The following SEMA6A variants were observed in gnomAD, a reference collection of about 807,000 sequenced individuals.
The protein encoded by SEMA6A is semaphorin-6A.
A neutral mutation model predicts 96.8 loss-of-function variants in SEMA6A; 25 were observed. That is an observed-to-expected ratio of 0.26 (90% CI 0.19 to 0.36). The LOEUF (loss-of-function observed/expected upper bound fraction) is 0.36. Ranked by LOEUF, SEMA6A falls within the 10% of genes least tolerant of loss-of-function variation. SEMA6A has a pLI of 1.00. For missense variants in SEMA6A, 1,363 were observed against 1,323.1 expected, an observed-to-expected ratio of 1.03 and a Z score of -0.47; for synonymous variants, 612 against 518.0, an observed-to-expected ratio of 1.18 and a Z score of -2.46.
chr5:116,518,814 T>G (rs1253668511), intron 1 of SEMA6A, among the ~76,000 whole-genome samples: 2 of 152,170 alleles, frequency 1.3e-5, no homozygotes, highest in Non-Finnish European at 2.9e-5. Flanking sequence ...GATTTCAAGT[T>G]CTGAGCAATG....
intron 6 of SEMA6A, 56 bp from the exon 7 acceptor site, chr5:116,491,886 C>A: frequency 7.2e-7 from 1 of 1,393,440 alleles, no homozygotes; most frequent in Non-Finnish European, 1.0e-6. Flanking sequence ...TTGCCCTAAA[C>A]CCTCAGAAAT....
chr5:116,521,120 T>C lies in SEMA6A; in HGVS notation c.-38-16138A>G, dbSNP rs535732171. 2.0e-5 allele frequency among the ~76,000 whole-genome samples: 3 copies of C among 152,314 alleles called. No individual in the cohort carries two copies. The East Asian group carries it at 5.8e-4, about 29-fold the overall frequency. ...GATGGCAAGAACCTAATGAACATCATGGCCAATGACAGAAAGTCTCTAGGG... is the reference window on the plus strand; with the variant it reads ...GATGGCAAGAACCTAATGAACATCACGGCCAATGACAGAAAGTCTCTAGGG... On this transcript the variant is annotated intron_variant, in intron 1 of 18. Transcript: ENST00000343348.
chr5:116,452,421 GTTT>G (rs59419584), intron 18 of SEMA6A, among the ~76,000 whole-genome samples: 3 of 140,976 alleles, frequency 2.1e-5, no homozygotes, highest in Non-Finnish European at 3.1e-5. Context: ...AATCTCCACT[GTTT>G]TTTTTTTTTT....
At chr5:116,527,768 A>G (rs1216915890) in intron 1 of SEMA6A, among the ~76,000 whole-genome samples, 1 of 152,218 alleles carries the variant, frequency 6.6e-6, no homozygotes, top group African/African-American at 2.4e-5. Context: ...GACAGTTAGT[A>G]ACGACTTTCA....
chr5:116,474,995 G>T (rs1343697111), intron 16 of SEMA6A, among the ~76,000 whole-genome samples: 5 of 152,016 alleles, frequency 3.3e-5, no homozygotes, highest in Non-Finnish European at 5.9e-5. Flanking sequence ...TACATAGTAG[G>T]CCAATTCCTA....
intron 1 of SEMA6A, among the ~76,000 whole-genome samples, chr5:116,528,913 T>G (rs1037300570): frequency 2.0e-5 from 3 of 152,214 alleles, no homozygotes; most frequent in African/African-American, 7.2e-5. Flanking sequence ...CCTGACCCTG[T>G]GTCACTTTGA....
intron 17 of SEMA6A, chr5:116,471,473 T>C (rs964397505): frequency 6.6e-6 from 1 of 152,196 alleles, no homozygotes; most frequent in Non-Finnish European, 1.5e-5. Context: ...GACTATTCAA[T>C]TATAGGAAAT....
intron 11 of SEMA6A, among the ~76,000 whole-genome samples, chr5:116,481,546 G>GT (rs1405898246): frequency 6.6e-6 from 1 of 152,206 alleles, no homozygotes; most frequent in Non-Finnish European, 1.5e-5. Flanking sequence ...TAGGTATGTT[G>GT]TGGGGAGGAC....
rs1486548428 is a variant in SEMA6A at position 116,444,557 on chromosome 5, G to C, written c.*2056C>G. The C allele has an allele frequency of 2.0e-5, 3 of 152,708 alleles. 1 individual carries two copies. The East Asian group carries it at 5.8e-4, about 29-fold the overall frequency. 9.5% of individuals were successfully genotyped at this position (152,708 alleles called of 1,614,324 possible). A position where few individuals can be genotyped will look rare whatever the true frequency, so the allele number is the denominator to read the frequency against. On this transcript the variant is annotated 3_prime_UTR_variant, in exon 19 of 19. Transcript: ENST00000343348. ...TTTACAGTATGTGGACAGTTCCTTT[G>C]TTCATGATAGAGTAAACAAAAGTCC...
chr5:116,481,825 G>T (rs982495140), intron 11 of SEMA6A, among the ~76,000 whole-genome samples: 1 of 152,086 alleles, frequency 6.6e-6, no homozygotes, highest in Non-Finnish European at 1.5e-5. Context: ...GGTTGCCTCT[G>T]GACCATAGTA....
chr5:116,501,851 C>T (rs548901984), intron 3 of SEMA6A, among the ~76,000 whole-genome samples: 1 of 152,288 alleles, frequency 6.6e-6, no homozygotes, highest in South Asian at 2.1e-4. Context: ...TGCACCACTG[C>T]ACTCCAGCCT....
intron 10 of SEMA6A, among the ~76,000 whole-genome samples, chr5:116,483,802 G>T (rs956483682): frequency 2.6e-5 from 4 of 152,048 alleles, no homozygotes; most frequent in Non-Finnish European, 5.9e-5. Flanking sequence ...AGTGGCTCAC[G>T]CCTATAATCC....
In SEMA6A at chr5:116,447,800, C is replaced by T. The variant is rs1356669690; in HGVS notation, c.1906G>A (p.Glu636Lys). 2 of 1,596,636 alleles carry T rather than the reference C, an allele frequency of 1.3e-6. No homozygotes were observed. The highest frequency in any genetic ancestry group is 4.5e-5 in the East Asian group (2 of 44,462). ...NHQDKKGVIRESYLKGHDQLV... is the reference protein window; with the variant it reads ...NHQDKKGVIRKSYLKGHDQLV... ...TGGTCGTGGCCTTTGAGGTAACTTTCCCGAATCACTCCTGCAATAGACATC... is the reference window on the plus strand; with the variant it reads ...TGGTCGTGGCCTTTGAGGTAACTTTTCCGAATCACTCCTGCAATAGACATC... The change falls in exon 19 of 19, where the codon GAA (glutamate) becomes AAA (lysine). Residue 636 changes from glutamate to lysine, a missense_variant. Coordinates refer to ENST00000343348, the MANE Select transcript of SEMA6A (RefSeq NM_020796.5).
At position 116,447,638 on chromosome 5, in the gene SEMA6A, C is replaced by T. The variant is rs777068759; in HGVS notation, c.2068G>A (p.Glu690Lys). 6.2e-7 allele frequency: 1 copy of T among 1,614,024 alleles called. No individual in the cohort carries two copies. The highest frequency in any genetic ancestry group is 1.1e-5 in the South Asian group (1 of 91,082). Residue 690 changes from glutamate to lysine, a missense_variant, in exon 19 of 19, where the codon GAG (glutamate) becomes AAG (lysine). Glu to Lys is a moderately conservative substitution (Grantham distance 56). Around this residue, in one of 2 missense-constraint regions of SEMA6A, gnomAD observed 883 missense variants for 763.6 expected, o/e 1.16. Transcript: ENST00000343348. ...DVAVVQRKEKELTHSRRGSMS... is the reference protein window; with the variant it reads ...DVAVVQRKEKKLTHSRRGSMS... Reference sequence around the variant, plus strand: ...GAGCCCCGGCGCGAGTGGGTGAGCTCCTTCTCCTTGCGCTGCACCACAGCC... The same window carrying T: ...GAGCCCCGGCGCGAGTGGGTGAGCTTCTTCTCCTTGCGCTGCACCACAGCC...
chr5:116,513,018 A>G (rs1758491847), intron 1 of SEMA6A, among the ~76,000 whole-genome samples: 1 of 152,206 alleles, frequency 6.6e-6, no homozygotes, highest in African/African-American at 2.4e-5. Context: ...TTTTGTGGGT[A>G]CAAGGTAGGT....
In SEMA6A at chr5:116,499,625, TTGTC is replaced by T. The variant is rs1462638119; in HGVS notation, c.219-2242_219-2239del. Among the ~76,000 whole-genome samples, 14 of 152,282 alleles carry T rather than the reference TTGTC, an allele frequency of 9.2e-5. No individual in the cohort carries two copies. The South Asian group carries it at 2.9e-3, about 32-fold the overall frequency. ...AACTCCTTTAAGAATTTTTCTAAGGTTGTCTGTTGAGAGGAAGTGGCTGCGTATG... is the reference window on the plus strand; with the variant it reads ...AACTCCTTTAAGAATTTTTCTAAGGTTGTTGAGAGGAAGTGGCTGCGTATG... On this transcript the variant is annotated intron_variant, in intron 3 of 18. Transcript: ENST00000343348.
intron 6 of SEMA6A, 58 bp downstream of exon 6, chr5:116,495,355 A>G: frequency 7.9e-7 from 1 of 1,273,440 alleles, no homozygotes; most frequent in Non-Finnish European, 1.1e-6. Context: ...AGGTACAATC[A>G]CAGTAAATTA....
At chr5:116,478,461 C>T (rs1011696187) in intron 13 of SEMA6A, 81 bp downstream of exon 13, 34 of 1,366,430 alleles carry the variant, frequency 2.5e-5, no homozygotes, top group South Asian at 2.0e-4. Context: ...AAACCTCAGT[C>T]GGTCATGATT....
chr5:116,551,618 T>C (rs920652458), intron 1 of SEMA6A, among the ~76,000 whole-genome samples: 1 of 152,174 alleles, frequency 6.6e-6, no homozygotes, highest in African/African-American at 2.4e-5. Flanking sequence ...AGTGATGGAT[T>C]TGAACCCAGG....
Sources: gnomAD v4.1 joint callset for allele counts (sites outside exome capture counted in the v4.1 genomes callset) on GRCh38, gnomAD v4.1.1 for gene constraint, gnomAD v4.1.1 regional missense constraint, MANE v1.5 for transcripts, NCBI Gene and HGNC (gene_info 2026-07-23, HGNC 2026-07-21) for gene names.